The following TMEM117 variants were observed in gnomAD, a reference collection of about 807,000 sequenced individuals.
TMEM117 encodes transmembrane protein 117.
TMEM117 carries 27 observed loss-of-function variants against 52.4 expected under a neutral mutation model. The observed-to-expected ratio is 0.51, with a 90% CI of 0.38 to 0.71. The LOEUF is 0.71. TMEM117 is among the 30% of genes least tolerant of loss of function. The probability of loss-of-function intolerance (pLI) is 0.00; values close to 1 mark genes in which losing one functional copy is unlikely to be tolerated. For synonymous variants in TMEM117, 215 were observed against 206.3 expected, an observed-to-expected ratio of 1.04 and a Z score of -0.36; for missense variants, 556 against 630.5, an observed-to-expected ratio of 0.88 and a Z score of 1.26.
intron 3 of TMEM117, among the ~76,000 whole-genome samples, chr12:44,130,818 T>TA (rs1948402294): frequency 6.6e-6 from 1 of 152,164 alleles, no homozygotes; most frequent in African/African-American, 2.4e-5. Context: ...GCATATCATT[T>TA]AAAAAAAGAG....
intron 4 of TMEM117, among the ~76,000 whole-genome samples, chr12:44,149,747 A>G (rs1948694827): frequency 6.6e-6 from 1 of 152,232 alleles, no homozygotes; most frequent in Non-Finnish European, 1.5e-5. Context: ...ATTGAGTTTG[A>G]CAATGCATAT....
At chr12:44,166,075 C>G (rs541797327) in intron 4 of TMEM117, among the ~76,000 whole-genome samples, 3 of 152,180 alleles carry the variant, frequency 2.0e-5, no homozygotes, top group South Asian at 4.1e-4. Context: ...GTGAACTTTA[C>G]AAACTGTACA....
intron 2 of TMEM117, among the ~76,000 whole-genome samples, chr12:43,868,530 G>A (rs1389947943): frequency 4.0e-5 from 6 of 149,250 alleles, no homozygotes; most frequent in African/African-American, 1.5e-4. Context: ...CCAGCCTGGC[G>A]ACAGAGTGAG....
At chr12:44,268,809 T>C (rs1950411686) in intron 5 of TMEM117, among the ~76,000 whole-genome samples, 1 of 152,110 alleles carries the variant, frequency 6.6e-6, no homozygotes, top group South Asian at 2.1e-4. Context: ...CTAATAAGTG[T>C]CAAGTACCCA....
downstream of TMEM117, among the ~76,000 whole-genome samples, chr12:44,392,046 C>T (rs186965787): frequency 5.3e-5 from 8 of 152,194 alleles, no homozygotes; most frequent in East Asian, 1.9e-4. Flanking sequence ...CCCATTTAGA[C>T]GTTTAAACAT....
intron 3 of TMEM117, among the ~76,000 whole-genome samples, chr12:43,953,116 G>T (rs1050582232): frequency 6.6e-6 from 1 of 152,018 alleles, no homozygotes; most frequent in Non-Finnish European, 1.5e-5. Context: ...TCATCACCAG[G>T]CCTGTCTTGC....
At chr12:44,358,776 C>T (rs1159517914) in intron 6 of TMEM117, among the ~76,000 whole-genome samples, 1 of 152,018 alleles carries the variant, frequency 6.6e-6, no homozygotes. Context: ...ATTTTTGGTA[C>T]TTCAAGTGCC....
intron 3 of TMEM117, among the ~76,000 whole-genome samples, chr12:44,050,720 G>A (rs1007319191): frequency 2.0e-5 from 3 of 152,192 alleles, no homozygotes; most frequent in Admixed American, 1.3e-4. Flanking sequence ...AGAACCCTTA[G>A]GAGATCTATC....
rs149333376 is a variant in TMEM117 at position 43,849,630 on chromosome 12, C to CTCT, written c.277+4703_277+4704insCTT. On this transcript the variant is annotated intron_variant, in intron 2 of 7. Coordinates refer to ENST00000266534, the MANE Select transcript of TMEM117 (RefSeq NM_032256.3). The stretch of plus-strand genomic sequence containing the variant: ...AATAATGCAAGTGAATTCTCTCTCT[C>CTCT]TTTTTTTTTTACTTACAGTAGAAAA... 7.7e-3 allele frequency among the ~76,000 whole-genome samples: 1,151 copies of CTCT among 148,908 alleles called. 23 individuals are homozygous for CTCT. Among genetic ancestry groups the CTCT allele is most frequent in the African/African-American group, 0.026 (1,075 of 40,764 alleles).
chr12:44,215,955 A>G (rs766901621), intron 5 of TMEM117, among the ~76,000 whole-genome samples: 5 of 151,120 alleles, frequency 3.3e-5, no homozygotes, highest in Admixed American at 6.6e-5. Flanking sequence ...GAAATATTTA[A>G]TATTCAATGA....
At chr12:44,125,196 C>T (rs889559014) in intron 3 of TMEM117, among the ~76,000 whole-genome samples, 1 of 152,174 alleles carries the variant, frequency 6.6e-6, no homozygotes, top group Non-Finnish European at 1.5e-5. Flanking sequence ...CCTCTGCCTG[C>T]CGGGTTCACG....
intron 3 of TMEM117, among the ~76,000 whole-genome samples, chr12:44,006,816 GAC>G (rs1247367407): frequency 6.6e-6 from 1 of 152,090 alleles, no homozygotes; most frequent in African/African-American, 2.4e-5. Flanking sequence ...TGCTGAATAA[GAC>G]AGCGTGGATT....
At chr12:44,163,078 A>G (rs1437007680) in intron 4 of TMEM117, among the ~76,000 whole-genome samples, 1 of 152,230 alleles carries the variant, frequency 6.6e-6, no homozygotes, top group Admixed American at 6.5e-5. Flanking sequence ...ATTTGAAGAA[A>G]TTGAGCTAGA....
intron 6 of TMEM117, among the ~76,000 whole-genome samples, chr12:44,362,111 T>C (rs1951729016): frequency 6.6e-6 from 1 of 152,154 alleles, no homozygotes; most frequent in Non-Finnish European, 1.5e-5. Flanking sequence ...GGGTGCCCTC[T>C]GTTATTTCTT....
intron 1 of TMEM117, among the ~76,000 whole-genome samples, chr12:43,836,595 C>T (rs766233915): frequency 2.7e-4 from 41 of 152,122 alleles, no homozygotes; most frequent in Admixed American, 1.0e-3. Flanking sequence ...GAGTAAAAGC[C>T]CTATTTTTCT....
chr12:44,039,001 C>T (rs995320438), intron 3 of TMEM117, among the ~76,000 whole-genome samples: 13 of 152,180 alleles, frequency 8.5e-5, no homozygotes, highest in Non-Finnish European at 1.3e-4. Context: ...AAATGCCAGA[C>T]ATCATATAAT....
At chr12:44,095,915 G>C (rs1273415452) in intron 3 of TMEM117, among the ~76,000 whole-genome samples, 1 of 152,130 alleles carries the variant, frequency 6.6e-6, no homozygotes, top group Non-Finnish European at 1.5e-5. Flanking sequence ...TAGGAAAAGA[G>C]GAAGTCAAAT....
chr12:44,265,854 G>T (rs1408013416), intron 5 of TMEM117, among the ~76,000 whole-genome samples: 1 of 152,046 alleles, frequency 6.6e-6, no homozygotes, highest in Non-Finnish European at 1.5e-5. Flanking sequence ...AATACACTAT[G>T]TGGTATTTTT....
chr12:44,311,795 ATG>A (rs1565701357), intron 6 of TMEM117, among the ~76,000 whole-genome samples: 9 of 11,506 alleles, frequency 7.8e-4, no homozygotes, highest in African/African-American at 1.3e-3. Flanking sequence ...ATGTATATAT[ATG>A]TATATATGTA....
Sources: gnomAD v4.1 joint callset for allele counts (sites outside exome capture counted in the v4.1 genomes callset) on GRCh38, gnomAD v4.1.1 for gene constraint, MANE v1.5 for transcripts, NCBI Gene and HGNC (gene_info 2026-07-23, HGNC 2026-07-21) for gene names.